EPB41L4A: variants seen among roughly 807,000 people sequenced by gnomAD.
The protein encoded by EPB41L4A is erythrocyte membrane protein band 4.1 like 4A.
Under a neutral mutation model 108.6 loss-of-function variants are expected in EPB41L4A, and 100 were observed. The ratio of observed to expected loss-of-function variants is 0.92; its 90% CI spans 0.78 to 1.09. The LOEUF (loss-of-function observed/expected upper bound fraction) is 1.09, where lower values mean the gene tolerates loss of function less well. EPB41L4A is among the 50% of genes least tolerant of loss of function. The pLI is 0.00. For missense variants in EPB41L4A, 1,030 were observed against 842.7 expected (o/e 1.22, Z -2.75); for synonymous variants, 319 against 289.0 (o/e 1.10, Z -1.05).
intron 1 of EPB41L4A, among the ~76,000 whole-genome samples, chr5:112,380,175 G>A (rs1490708931): frequency 6.6e-6 from 1 of 152,098 alleles, no homozygotes; most frequent in East Asian, 1.9e-4. Context: ...GGGTCAGAAG[G>A]TCTGACACCA....
chr5:112,226,638 G>T (rs370796619), intron 12 of EPB41L4A, among the ~76,000 whole-genome samples: 1 of 152,060 alleles, frequency 6.6e-6, no homozygotes, highest in African/African-American at 2.4e-5. Flanking sequence ...TCCCAAGAGG[G>T]CTGGAGAGCA....
At chr5:112,278,406 C>T (rs918989674) in intron 3 of EPB41L4A, among the ~76,000 whole-genome samples, 5 of 151,942 alleles carry the variant, frequency 3.3e-5, no homozygotes, top group African/African-American at 9.7e-5. Flanking sequence ...CACTCGCCAC[C>T]ACATCTGGCT....
chr5:112,246,237 G>C (rs1463964998), intron 9 of EPB41L4A, among the ~76,000 whole-genome samples: 1 of 151,940 alleles, frequency 6.6e-6, no homozygotes, highest in Non-Finnish European at 1.5e-5. Flanking sequence ...AGGATGTCTT[G>C]GTCAATGATG....
chr5:112,209,111 T>C (rs1580436528), intron 13 of EPB41L4A, among the ~76,000 whole-genome samples: 1 of 152,214 alleles, frequency 6.6e-6, no homozygotes, highest in African/African-American at 2.4e-5. Context: ...GAAGCCACTA[T>C]TATTTACCAA....
chr5:112,300,437 CT>C, intron 2 of EPB41L4A, among the ~76,000 whole-genome samples: 1 of 152,236 alleles, frequency 6.6e-6, no homozygotes, highest in South Asian at 2.1e-4. Flanking sequence ...AAATTCTTGG[CT>C]GATAATTGTT....
At chr5:112,310,882 G>C (rs1278689041) in intron 1 of EPB41L4A, among the ~76,000 whole-genome samples, 2 of 152,124 alleles carry the variant, frequency 1.3e-5, no homozygotes, top group Non-Finnish European at 2.9e-5. Context: ...TGACTTCTCA[G>C]CAAGAGTTTA....
intron 6 of EPB41L4A, among the ~76,000 whole-genome samples, chr5:112,263,081 A>C (rs1234064624): frequency 1.3e-5 from 2 of 152,220 alleles, no homozygotes; most frequent in Admixed American, 6.5e-5. Context: ...TAACGTACAG[A>C]GATTGTAAAA....
chr5:112,290,007 C>A (rs923636175), intron 2 of EPB41L4A, among the ~76,000 whole-genome samples: 2 of 152,178 alleles, frequency 1.3e-5, no homozygotes, highest in Non-Finnish European at 2.9e-5. Flanking sequence ...TGTGCATGCC[C>A]TTTATGTCTT....
At chr5:112,319,251 G>C (rs763429844) in intron 1 of EPB41L4A, among the ~76,000 whole-genome samples, 1 of 151,962 alleles carries the variant, frequency 6.6e-6, no homozygotes, top group Non-Finnish European at 1.5e-5. Flanking sequence ...TCAAATTTGG[G>C]ACAATCTGAA....
At chr5:112,249,860 G>A (rs778726163) in intron 9 of EPB41L4A, among the ~76,000 whole-genome samples, 14 of 152,104 alleles carry the variant, frequency 9.2e-5, no homozygotes, top group Non-Finnish European at 1.6e-4. Context: ...CCTTTAATGC[G>A]CTAATATGTA....
chr5:112,143,838 C>T lies in EPB41L4A; in HGVS notation n.1155G>A, dbSNP rs1460350008. The T allele has an allele frequency of 8.8e-6, 4 of 455,482 alleles. No homozygotes were observed. The Admixed American group carries it at 9.4e-5, about 11-fold the overall frequency. The allele number at this position is 455,482 out of a possible 1,614,324, so 28.2% of individuals were successfully genotyped here. On this transcript the variant is annotated non_coding_transcript_exon_variant, in exon 14 of 14. Transcript: ENST00000507810. ...GTGGGGCTCTCTGTCCACATCACTTCATGTGCTGACCCTGTATAAACAGGG... is the reference window on the plus strand; with the variant it reads ...GTGGGGCTCTCTGTCCACATCACTTTATGTGCTGACCCTGTATAAACAGGG...
chr5:112,198,055 C>T (rs113767078), intron 15 of EPB41L4A, among the ~76,000 whole-genome samples: 6,896 of 151,284 alleles, frequency 0.046, 496 homozygotes, highest in African/African-American at 0.15. Flanking sequence ...TTTTTTGAGA[C>T]GGAGTTTCAC....
chr5:112,144,104 C>T (rs1311591242), intron 13 of EPB41L4A, among the ~76,000 whole-genome samples: 1 of 152,186 alleles, frequency 6.6e-6, no homozygotes, highest in African/African-American at 2.4e-5. Flanking sequence ...TATAATCATT[C>T]CTTAAAATTA....
intron 1 of EPB41L4A, among the ~76,000 whole-genome samples, chr5:112,311,141 G>A (rs1034864159): frequency 3.9e-5 from 6 of 152,056 alleles, no homozygotes; most frequent in African/African-American, 1.4e-4. Context: ...TGGGACTACA[G>A]GCATGCACCA....
intron 1 of EPB41L4A, among the ~76,000 whole-genome samples, chr5:112,397,054 C>T (rs940931848): frequency 6.6e-6 from 1 of 152,020 alleles, no homozygotes; most frequent in Non-Finnish European, 1.5e-5. Context: ...AACATTATAC[C>T]CAATAGGTAA....
intron 1 of EPB41L4A, among the ~76,000 whole-genome samples, chr5:112,385,592 G>A (rs2112633905): frequency 6.6e-6 from 1 of 150,814 alleles, no homozygotes; most frequent in African/African-American, 2.4e-5. Context: ...AGTCTGTCTT[G>A]TAATCCACTA....
At chr5:112,319,914 C>T (rs1246992065) in intron 1 of EPB41L4A, among the ~76,000 whole-genome samples, 1 of 152,006 alleles carries the variant, frequency 6.6e-6, no homozygotes, top group Non-Finnish European at 1.5e-5. Flanking sequence ...TAGGGGTAAC[C>T]AGTCTCGTGT....
chr5:112,181,092 G>A (rs1561454474), intron 18 of EPB41L4A, among the ~76,000 whole-genome samples: 3 of 152,146 alleles, frequency 2.0e-5, no homozygotes, highest in Non-Finnish European at 2.9e-5. Flanking sequence ...AGACCCTCTC[G>A]TATCTTGTTA....
intron 1 of EPB41L4A, among the ~76,000 whole-genome samples, chr5:112,379,844 C>T (rs796989381): frequency 6.6e-6 from 1 of 152,116 alleles, no homozygotes; most frequent in Non-Finnish European, 1.5e-5. Context: ...GCACTTTTTG[C>T]CAAAATATGA....
Sources: allele counts gnomAD v4.1 joint callset (sites outside exome capture counted in the v4.1 genomes callset), GRCh38; gene constraint gnomAD v4.1.1; transcripts MANE v1.5; gene names NCBI Gene and HGNC (gene_info 2026-07-23, HGNC 2026-07-21).